The following SDK1 variants were observed in gnomAD, a reference collection of about 807,000 sequenced individuals.
SDK1 encodes sidekick cell adhesion molecule 1.
A neutral mutation model predicts 245.5 loss-of-function variants in SDK1; 157 were observed. That is an observed-to-expected ratio of 0.64 (90% CI 0.56 to 0.73). The LOEUF (loss-of-function observed/expected upper bound fraction) is 0.73, where lower values mean the gene tolerates loss of function less well. Among genes scored for constraint, SDK1 ranks in the 30% least tolerant of loss-of-function variants. The pLI, the probability that SDK1 is intolerant of heterozygous loss-of-function variation, is 0.00. For missense variants in SDK1, 3,583 were observed against 3,002.3 expected (o/e 1.19, Z -4.52); for synonymous variants, 1,647 against 1,278.5 (o/e 1.29, Z -6.15).
At chr7:4,187,092 G>T (rs1306636420) in intron 35 of SDK1, among the ~76,000 whole-genome samples, 1 of 152,166 alleles carries the variant, frequency 6.6e-6, no homozygotes. Flanking sequence ...TGCATGTTGG[G>T]TGTGTTATGT....
chr7:3,746,251 ATAC>A (rs1779615158), intron 4 of SDK1, among the ~76,000 whole-genome samples: 1 of 152,240 alleles, frequency 6.6e-6, no homozygotes, highest in African/African-American at 2.4e-5. Context: ...TAATTCAAAA[ATAC>A]TTTATTTTAA....
chr7:3,949,733 C>CA (rs547175338), intron 5 of SDK1, among the ~76,000 whole-genome samples: 126 of 152,206 alleles, frequency 8.3e-4, no homozygotes, highest in Middle Eastern at 3.4e-3. Flanking sequence ...AGAAAAGCGG[C>CA]AAAAAATATG....
At chr7:3,436,315 A>AATAATTGAT (rs1356851132) in intron 1 of SDK1, among the ~76,000 whole-genome samples, 1 of 152,170 alleles carries the variant, frequency 6.6e-6, no homozygotes, top group African/African-American at 2.4e-5. Flanking sequence ...ATGATTACGA[A>AATAATTGAT]ATAATTGATT....
At chr7:3,951,598 T>A (rs1030765280) in intron 6 of SDK1, 132 bp from the exon 7 acceptor site, 1 of 690,532 alleles carries the variant, frequency 1.4e-6, no homozygotes, top group African/African-American at 1.8e-5. Flanking sequence ...GAGTTTTCAG[T>A]GTCCGTTGTT....
Position 3,921,342 on chromosome 7 carries a change from A to G in SDK1, c.848-29581A>G, listed in dbSNP as rs545313626. 4.6e-5 allele frequency among the ~76,000 whole-genome samples: 7 copies of G among 152,336 alleles called. No individual in the cohort carries two copies. The South Asian group carries it at 1.0e-3, about 23-fold the overall frequency. On this transcript the variant is annotated intron_variant, in intron 5 of 44. Coordinates refer to ENST00000404826, the MANE Select transcript of SDK1 (RefSeq NM_152744.4). The stretch of plus-strand genomic sequence containing the variant: ...CCTAGTTTCTTTTTTTAGCAAATGT[A>G]TCATAATTTATTAACCTGTCTCCAT...
chr7:4,010,218 C>G (rs1166564882), intron 14 of SDK1, among the ~76,000 whole-genome samples: 1 of 152,228 alleles, frequency 6.6e-6, no homozygotes, highest in Non-Finnish European at 1.5e-5. Flanking sequence ...ACTGCCAAGA[C>G]TTTGTTCATT....
chr7:3,761,600 T>C (rs1387078600), intron 4 of SDK1, among the ~76,000 whole-genome samples: 2 of 144,848 alleles, frequency 1.4e-5, no homozygotes, highest in Non-Finnish European at 3.0e-5. Context: ...TGTACAAGGA[T>C]GAAGGTAGGG....
intron 5 of SDK1, among the ~76,000 whole-genome samples, chr7:3,884,996 C>A (rs1448815392): frequency 6.6e-6 from 1 of 152,184 alleles, no homozygotes; most frequent in African/African-American, 2.4e-5. Context: ...AGGTGATGTC[C>A]TTTCACCCTT....
chr7:4,044,659 G>T (rs1788886980), intron 17 of SDK1, among the ~76,000 whole-genome samples: 1 of 151,702 alleles, frequency 6.6e-6, no homozygotes, highest in Non-Finnish European at 1.5e-5. Flanking sequence ...TGCCCAGGCT[G>T]GTCTCAAACT....
chr7:3,589,316 A>G (rs1280465410), intron 1 of SDK1, among the ~76,000 whole-genome samples: 2 of 152,148 alleles, frequency 1.3e-5, no homozygotes, highest in Non-Finnish European at 2.9e-5. Context: ...TGACGTCAGT[A>G]CTGATCTCCC....
intron 40 of SDK1, among the ~76,000 whole-genome samples, chr7:4,225,519 C>G (rs1785384279): frequency 6.6e-6 from 1 of 152,154 alleles, no homozygotes; most frequent in Non-Finnish European, 1.5e-5. Flanking sequence ...GGCATTGGTT[C>G]TCAGGCTTGC....
intron 4 of SDK1, among the ~76,000 whole-genome samples, chr7:3,656,558 C>T (rs1415359849): frequency 6.6e-6 from 1 of 151,784 alleles, no homozygotes; most frequent in East Asian, 1.9e-4. Context: ...TAATTCATGA[C>T]CCAGACCCAG....
At chr7:4,176,525 T>A (rs1429865600) in intron 34 of SDK1, among the ~76,000 whole-genome samples, 1 of 152,156 alleles carries the variant, frequency 6.6e-6, no homozygotes, top group Non-Finnish European at 1.5e-5. Context: ...TCTTAACCAT[T>A]TTTAGGTGTA....
At chr7:3,866,598 C>T (rs1780826478) in intron 5 of SDK1, among the ~76,000 whole-genome samples, 2 of 152,138 alleles carry the variant, frequency 1.3e-5, no homozygotes, top group African/African-American at 4.8e-5. Flanking sequence ...TGCATGCACG[C>T]ACTAGTTTTC....
At chr7:3,736,207 T>A (rs1779314297) in intron 4 of SDK1, among the ~76,000 whole-genome samples, 1 of 152,236 alleles carries the variant, frequency 6.6e-6, no homozygotes, top group African/African-American at 2.4e-5. Context: ...TGGTACATTT[T>A]ATCTACTTTT....
At chr7:3,321,839 C>CCTT (rs1175768033) in intron 1 of SDK1, among the ~76,000 whole-genome samples, 2 of 117,208 alleles carry the variant, frequency 1.7e-5, no homozygotes, top group African/African-American at 7.6e-5. Flanking sequence ...CTCCTTTTCT[C>CCTT]TCTCTCTCTC....
intron 4 of SDK1, among the ~76,000 whole-genome samples, chr7:3,672,772 T>TATATATATATATAC (rs1783751888): frequency 1.1e-5 from 1 of 91,834 alleles, no homozygotes; most frequent in Non-Finnish European, 2.2e-5. Flanking sequence ...TATATATATA[T>TATATATATATATAC]ATATATATAT....
chr7:3,944,942 A>G (rs1222936879), intron 5 of SDK1, among the ~76,000 whole-genome samples: 1 of 152,208 alleles, frequency 6.6e-6, no homozygotes, highest in East Asian at 1.9e-4. Context: ...ATTAGCTACT[A>G]GCATGGAGGG....
At chr7:3,472,850 C>A (rs1031347991) in intron 1 of SDK1, among the ~76,000 whole-genome samples, 2 of 152,136 alleles carry the variant, frequency 1.3e-5, no homozygotes, top group Admixed American at 1.3e-4. Flanking sequence ...CTTACAGTAC[C>A]AGCATGAGAA....
Sources: gnomAD v4.1 joint callset for allele counts (sites outside exome capture counted in the v4.1 genomes callset) on GRCh38, gnomAD v4.1.1 for gene constraint, MANE v1.5 for transcripts, NCBI Gene and HGNC (gene_info 2026-07-23, HGNC 2026-07-21) for gene names.